NXPH3: variants seen among roughly 807,000 people sequenced by gnomAD.
NXPH3 encodes neurexophilin 3.
A neutral mutation model predicts 18.8 loss-of-function variants in NXPH3; 7 were observed. The ratio of observed to expected loss-of-function variants is 0.37; its 90% CI spans 0.21 to 0.70. The LOEUF is 0.70. Ranked by LOEUF, NXPH3 falls within the 30% of genes least tolerant of loss-of-function variation. The pLI is 0.53. For missense variants in NXPH3, 282 were observed against 338.1 expected, an observed-to-expected ratio of 0.83 and a Z score of 1.30; for synonymous variants, 101 against 137.3, an observed-to-expected ratio of 0.74 and a Z score of 1.85.
rs2071581912 is a variant in NXPH3, at chr17:49,578,446, T to C, written c.55-150T>C. ...AACCTGAGATGTACACAAGCTAGAGTGTACACTTGCCCCCCAGCTTCAGTG... is the reference window on the plus strand; with the variant it reads ...AACCTGAGATGTACACAAGCTAGAGCGTACACTTGCCCCCCAGCTTCAGTG... On this transcript the variant is annotated intron_variant, in intron 1 of 1. Coordinates refer to ENST00000328741, the MANE Select transcript of NXPH3 (RefSeq NM_007225.4). The surrounding 1 kb of genome is among the most constrained non-coding windows in gnomAD (Gnocchi z 4.5). 1.6e-6 allele frequency: 1 copy of C among 628,162 alleles called. No individual in the cohort carries two copies. 38.9% of individuals were successfully genotyped at this position (628,162 alleles called of 1,614,324 possible). A position where few individuals can be genotyped will look rare whatever the true frequency, so the allele number is the denominator to read the frequency against.
At chr17:49,576,394 A>C in intron 1 of NXPH3, 121 bp downstream of exon 1, 1 of 1,146,484 alleles carries the variant, frequency 8.7e-7, no homozygotes, top group Admixed American at 2.1e-5. Context: ...GATGGCGGGG[A>C]AGACTGGAGG....
intron 1 of NXPH3, among the ~76,000 whole-genome samples, chr17:49,576,988 C>A (rs1025455777): frequency 1.3e-5 from 2 of 152,218 alleles, no homozygotes; most frequent in East Asian, 3.9e-4. Context: ...CGCCCGCTGA[C>A]CCTCCCCGCA....
At position 49,581,513 on chromosome 17, in the gene NXPH3, CCCA is replaced by C; in HGVS notation, c.*2216_*2218del. The C allele has an allele frequency of 3.1e-6, 2 of 651,198 alleles. No individual in the cohort carries two copies. The highest frequency in any genetic ancestry group is 3.5e-5 in the South Asian group (2 of 57,892). 40.3% of individuals were successfully genotyped at this position (651,198 alleles called of 1,614,324 possible). On this transcript the variant is annotated 3_prime_UTR_variant, in exon 2 of 2. Coordinates refer to ENST00000328741, the MANE Select transcript of NXPH3 (RefSeq NM_007225.4). The stretch of plus-strand genomic sequence containing the variant: ...GGGCTGAGAAGCCATCTGGTTACAG[CCCA>C]CCTTGTAGGAAATGACCCAGCTTGT...
At position 49,581,337 on chromosome 17, in the gene NXPH3, G is replaced by T. The variant is rs1338437927; in HGVS notation, c.*2037G>T. 3.8e-6 allele frequency: 2 copies of T among 525,496 alleles called. No individual in the cohort carries two copies. The highest frequency in any genetic ancestry group is 3.8e-5 in the African/African-American group (2 of 52,192). The allele number at this position is 525,496 out of a possible 1,614,324, so 32.6% of individuals were successfully genotyped here. ...GGTCATTCTAAGTCGGCTCTCTTGG[G>T]AGGGCAGCACTCAGGGCCCTTTGGG... On this transcript the variant is annotated 3_prime_UTR_variant, in exon 2 of 2. Transcript: ENST00000328741.
Position 49,579,895 on chromosome 17 carries a change from C to G in NXPH3, c.*595C>G, listed in dbSNP as rs1044365623. On this transcript the variant is annotated 3_prime_UTR_variant, in exon 2 of 2. Transcript: ENST00000328741. This position sits in a 1 kb window ranked among gnomAD's most constrained non-coding sequence, Gnocchi z 6.0. ...AACCCTGGGGTCTTTGATGTCTTGA[C>G]AGATTGACCATCTGTCTCCAGCCAG... is the stretch of plus-strand genomic sequence containing the variant. 1.3e-5 allele frequency: 2 copies of G among 153,248 alleles called. No homozygotes were observed. The highest frequency in any genetic ancestry group is 4.8e-5 in the African/African-American group (2 of 41,436). 9.5% of individuals were successfully genotyped at this position (153,248 alleles called of 1,614,324 possible). A position where few individuals can be genotyped will look rare whatever the true frequency, so the allele number is the denominator to read the frequency against.
chr17:49,576,265 C>T lies in NXPH3; in HGVS notation c.46C>T (p.Leu16Phe), dbSNP rs945495169. ...CCFVFLVQGS[L>F]YLVICGQDDG... ...CTTCGTGTTCCTGGTGCAGGGTAGC[C>T]TCTATCTGGTGAGTGGTCCGAGGGG... The change falls in exon 1 of 2, where the codon CTC (leucine) becomes TTC (phenylalanine). Residue 16 changes from leucine to phenylalanine, a missense_variant. Leu to Phe is a conservative substitution (Grantham distance 22). Coordinates refer to ENST00000328741, the MANE Select transcript of NXPH3 (RefSeq NM_007225.4). The T allele has an allele frequency of 1.3e-6, 2 of 1,567,476 alleles. No individual in the cohort carries two copies. The highest frequency in any genetic ancestry group is 2.7e-5 in the African/African-American group (2 of 73,632).
intron 1 of NXPH3, 41 bp downstream of exon 1, chr17:49,576,314 C>T (rs2071570851): frequency 1.9e-6 from 3 of 1,548,852 alleles, no homozygotes; most frequent in Non-Finnish European, 2.6e-6. Context: ...GGCGGGGGCC[C>T]GGAGGATCGG....
At chr17:49,576,679 TGGGTCCCCCAGAGCACAGAG>T (rs950088289) in intron 1 of NXPH3, among the ~76,000 whole-genome samples, 4 of 151,926 alleles carry the variant, frequency 2.6e-5, no homozygotes, top group Admixed American at 2.6e-4. Flanking sequence ...CCTCGGGTTC[TGGGTCCCCCAGAGCACAGAG>T]CCGGTCCAGG....
rs1000222754 is a variant in NXPH3 at position 49,581,233 on chromosome 17, G to T, written c.*1933G>T. 1 of 275,778 alleles carries T rather than the reference G, an allele frequency of 3.6e-6. No homozygotes were observed. Among genetic ancestry groups the T allele is most frequent in the African/African-American group, 2.2e-5 (1 of 45,898 alleles). 17.1% of individuals were successfully genotyped at this position (275,778 alleles called of 1,614,324 possible). A position where few individuals can be genotyped will look rare whatever the true frequency, so the allele number is the denominator to read the frequency against. ...GCCTCAGAATGGCCAGCTGCCAGTGGCACCTTGTCTGGGAGTTAGTTGGGC... is the reference window on the plus strand; with the variant it reads ...GCCTCAGAATGGCCAGCTGCCAGTGTCACCTTGTCTGGGAGTTAGTTGGGC... On this transcript the variant is annotated 3_prime_UTR_variant, in exon 2 of 2. Coordinates refer to ENST00000328741, the MANE Select transcript of NXPH3 (RefSeq NM_007225.4).
At position 49,578,228 on chromosome 17, in the gene NXPH3, T is replaced by C. The variant is rs1365709824; in HGVS notation, c.55-368T>C. Among the ~76,000 whole-genome samples, 1 of 152,176 alleles carries C rather than the reference T, an allele frequency of 6.6e-6. No individual in the cohort carries two copies. Among genetic ancestry groups the C allele is most frequent in the African/African-American group, 2.4e-5 (1 of 41,448 alleles). On this transcript the variant is annotated intron_variant, in intron 1 of 1. Coordinates refer to ENST00000328741, the MANE Select transcript of NXPH3 (RefSeq NM_007225.4). This position sits in a 1 kb window ranked among gnomAD's most constrained non-coding sequence, Gnocchi z 4.5. ...AGCACAGGGATGATGCTTCTGCAAT[T>C]AGATGGGGGCTCCCCAAGATCAGAA... is the stretch of plus-strand genomic sequence containing the variant.
In NXPH3 at chr17:49,578,853, C is replaced by T. The variant is rs1341835389; in HGVS notation, c.312C>T (p.Asp104=). 1 of 1,614,132 alleles carries T rather than the reference C, an allele frequency of 6.2e-7. No individual in the cohort carries two copies. Among genetic ancestry groups the T allele is most frequent in the Non-Finnish European group, 8.5e-7 (1 of 1,180,044 alleles). ...TGAAGAAAATCTTTGGCTGGGGCGACTTCTACTCCAACATCAAGACGGTGG... is the reference window on the plus strand; with the variant it reads ...TGAAGAAAATCTTTGGCTGGGGCGATTTCTACTCCAACATCAAGACGGTGG... ...AKVKKIFGWG[D]FYSNIKTVAL... Residue 104 remains aspartate (D), a synonymous_variant, in exon 2 of 2, where the codon GAC becomes GAT. Coordinates refer to ENST00000328741, the MANE Select transcript of NXPH3 (RefSeq NM_007225.4). The surrounding 1 kb of genome is among the most constrained non-coding windows in gnomAD (Gnocchi z 4.5).
chr17:49,576,872 C>G (rs917573469), intron 1 of NXPH3, among the ~76,000 whole-genome samples: 2 of 151,950 alleles, frequency 1.3e-5, no homozygotes, highest in African/African-American at 4.8e-5. Context: ...AGCGGAGCGC[C>G]CAGAGCCCGC....
chr17:49,579,636 A>C lies in NXPH3; in HGVS notation c.*336A>C, dbSNP rs985072914. 3.4e-6 allele frequency: 1 copy of C among 290,576 alleles called. No individual in the cohort carries two copies. The highest frequency in any genetic ancestry group is 2.1e-5 in the African/African-American group (1 of 46,764). The allele number at this position is 290,576 out of a possible 1,614,324, so 18.0% of individuals were successfully genotyped here. ...AGGCCGATCAGTGTGGCCCCAGATC[A>C]AGTCATGGGAGGAAGCTAAGCCCTT... On this transcript the variant is annotated 3_prime_UTR_variant, in exon 2 of 2. Coordinates refer to ENST00000328741, the MANE Select transcript of NXPH3 (RefSeq NM_007225.4). This position sits in a 1 kb window ranked among gnomAD's most constrained non-coding sequence, Gnocchi z 6.0.
chr17:49,579,388 G>A lies in NXPH3; in HGVS notation c.*88G>A, dbSNP rs2071588863. 2 of 1,211,436 alleles carry A rather than the reference G, an allele frequency of 1.7e-6. No homozygotes were observed. The highest frequency in any genetic ancestry group is 1.5e-5 in the African/African-American group (1 of 66,200). 75.0% of individuals were successfully genotyped at this position (1,211,436 alleles called of 1,614,324 possible). A position where few individuals can be genotyped will look rare whatever the true frequency, so the allele number is the denominator to read the frequency against. On this transcript the variant is annotated 3_prime_UTR_variant, in exon 2 of 2. Transcript: ENST00000328741. The surrounding 1 kb of genome is among the most constrained non-coding windows in gnomAD (Gnocchi z 6.0). Reference sequence around the variant, plus strand: ...CATCTGGACACCGGGCAGGGAAGGGGTTGGGCCTCAGGCAGGGAGGGGGGT... The same window carrying A: ...CATCTGGACACCGGGCAGGGAAGGGATTGGGCCTCAGGCAGGGAGGGGGGT...
chr17:49,579,200 G>A lies in NXPH3; in HGVS notation c.659G>A (p.Cys220Tyr). ...TGCTCCCAGCCCTTCAAAGTCGTCT[G>A]TGTCTACATCGCCTTCTACAGCACG... is the stretch of plus-strand genomic sequence containing the variant. ...WSCSQPFKVV[C>Y]VYIAFYSTDY... Residue 220 changes from cysteine (C) to tyrosine (Y), a missense_variant, in exon 2 of 2, where the codon TGT becomes TAT. Physicochemically the swap from Cys to Tyr is radical, Grantham distance 194. Coordinates refer to ENST00000328741, the MANE Select transcript of NXPH3 (RefSeq NM_007225.4). The surrounding 1 kb of genome is among the most constrained non-coding windows in gnomAD (Gnocchi z 6.0). 6.2e-7 allele frequency: 1 copy of A among 1,611,012 alleles called. No homozygotes were observed. Among genetic ancestry groups the A allele is most frequent in the African/African-American group, 1.3e-5 (1 of 75,056 alleles).
chr17:49,581,904 C>A lies in NXPH3; in HGVS notation c.*2604C>A. 1 of 630,714 alleles carries A rather than the reference C, an allele frequency of 1.6e-6. No homozygotes were observed. Among genetic ancestry groups the A allele is most frequent in the Non-Finnish European group, 2.8e-6 (1 of 351,802 alleles). 39.1% of individuals were successfully genotyped at this position (630,714 alleles called of 1,614,324 possible). A position where few individuals can be genotyped will look rare whatever the true frequency, so the allele number is the denominator to read the frequency against. Reference sequence around the variant, plus strand: ...TCCTGGCACACAGTTCTGCCTGCACCAGGGATGGATTCATTTTAATAACTT... The same window carrying A: ...TCCTGGCACACAGTTCTGCCTGCACAAGGGATGGATTCATTTTAATAACTT... On this transcript the variant is annotated 3_prime_UTR_variant, in exon 2 of 2. Transcript: ENST00000328741.
Position 49,576,078 on chromosome 17 carries a change from T to A in NXPH3, c.-142T>A. ...GGACCGAAGGGGGCGGGGTCGGCCC[T>A]GGGCGACCCGCTGAGGGGAGGGCCG... On this transcript the variant is annotated 5_prime_UTR_variant, in exon 1 of 2. Transcript: ENST00000328741. 1 of 978,260 alleles carries A rather than the reference T, an allele frequency of 1.0e-6. No homozygotes were observed. Among genetic ancestry groups the A allele is most frequent in the Non-Finnish European group, 1.5e-6 (1 of 652,478 alleles). The allele number at this position is 978,260 out of a possible 1,614,324, so 60.6% of individuals were successfully genotyped here.
rs1174435578 is a variant in NXPH3 at position 49,582,538 on chromosome 17, T to C, written c.*3238T>C. On this transcript the variant is annotated 3_prime_UTR_variant, in exon 2 of 2. Transcript: ENST00000328741. ...TCTCCCCATCAGGCTGGGGAACACC[T>C]AGGGCCGGGGGCCATGCCTCCCTCA... 2 of 152,250 alleles carry C rather than the reference T, an allele frequency of 1.3e-5. No homozygotes were observed. Among genetic ancestry groups the C allele is most frequent in the African/African-American group, 4.8e-5 (2 of 41,434 alleles). 9.4% of individuals were successfully genotyped at this position (152,250 alleles called of 1,614,324 possible).
At position 49,581,857 on chromosome 17, in the gene NXPH3, C is replaced by A. The variant is rs571394622; in HGVS notation, c.*2557C>A. The A allele has an allele frequency of 2.9e-6, 2 of 689,706 alleles. No homozygotes were observed. The highest frequency in any genetic ancestry group is 1.8e-5 in the African/African-American group (1 of 56,982). 42.7% of individuals were successfully genotyped at this position (689,706 alleles called of 1,614,324 possible). The stretch of plus-strand genomic sequence containing the variant: ...CCTCCTGTGGAGAGCCAGATGCTGG[C>A]GACAGCTGGAGGGCCCGGCCTTCCT... On this transcript the variant is annotated 3_prime_UTR_variant, in exon 2 of 2. Transcript: ENST00000328741.
Sources: gnomAD v4.1 joint callset for allele counts (sites outside exome capture counted in the v4.1 genomes callset) on GRCh38, gnomAD v4.1.1 for gene constraint, Gnocchi (gnomAD v3.1) non-coding constraint, MANE v1.5 for transcripts, NCBI Gene and HGNC (gene_info 2026-07-23, HGNC 2026-07-21) for gene names.